HTR1F: variants seen among roughly 807,000 people sequenced by gnomAD.
HTR1F encodes 5-hydroxytryptamine receptor 1F.
In HTR1F, 17 loss-of-function variants were observed where a neutral mutation model predicts 24.0. That is an observed-to-expected ratio of 0.71 (90% CI 0.48 to 1.06). HTR1F has a LOEUF of 1.06. HTR1F is among the 50% of genes least tolerant of loss of function. HTR1F has a pLI of 0.00. For synonymous variants in HTR1F, 186 were observed against 156.8 expected (o/e 1.19, Z -1.39); for missense variants, 391 against 427.8 (o/e 0.91, Z 0.76).
intron 2 of HTR1F, among the ~76,000 whole-genome samples, chr3:87,969,649 G>A (rs556782278): frequency 6.6e-6 from 1 of 152,174 alleles, no homozygotes; most frequent in Non-Finnish European, 1.5e-5. Context: ...TGTCTCAGAT[G>A]AGACTTTGGA....
intron 1 of HTR1F, among the ~76,000 whole-genome samples, chr3:87,810,757 C>T (rs1704146495): frequency 6.6e-6 from 1 of 152,110 alleles, no homozygotes; most frequent in South Asian, 2.1e-4. Flanking sequence ...AATATGAACT[C>T]AGGTAGATGA....
chr3:87,979,512 C>T (rs1230860699), intron 2 of HTR1F, among the ~76,000 whole-genome samples: 45 of 152,160 alleles, frequency 3.0e-4, no homozygotes, highest in Non-Finnish European at 1.9e-4. Context: ...GAACAGAAAG[C>T]AGCAAATCCA....
chr3:87,832,377 G>C (rs941280111), intron 2 of HTR1F, among the ~76,000 whole-genome samples: 1 of 147,884 alleles, frequency 6.8e-6, no homozygotes, highest in Admixed American at 6.8e-5. Flanking sequence ...GCCCAGGCTG[G>C]AGTGCAGTGG....
At chr3:87,829,521 G>A (rs376786219) in intron 2 of HTR1F, among the ~76,000 whole-genome samples, 3 of 152,158 alleles carry the variant, frequency 2.0e-5, no homozygotes, top group African/African-American at 4.8e-5. Flanking sequence ...TAACCTTCAC[G>A]GTCATTCCTC....
chr3:87,928,623 C>T (rs183052800), intron 2 of HTR1F, among the ~76,000 whole-genome samples: 25 of 152,252 alleles, frequency 1.6e-4, no homozygotes, highest in African/African-American at 4.8e-4. Context: ...TGAACCATTA[C>T]TATCAATGCT....
At chr3:87,837,463 C>T (rs1224098108) in intron 2 of HTR1F, among the ~76,000 whole-genome samples, 3 of 152,000 alleles carry the variant, frequency 2.0e-5, no homozygotes, top group Non-Finnish European at 2.9e-5. Context: ...AAAAGCCAAC[C>T]TGAGGCAAGT....
intron 2 of HTR1F, among the ~76,000 whole-genome samples, chr3:87,850,053 T>C (rs1705045567): frequency 6.6e-6 from 1 of 151,788 alleles, no homozygotes; most frequent in Admixed American, 6.6e-5. Flanking sequence ...AGTGTGGTGA[T>C]TCCTCAGGGA....
intron 2 of HTR1F, among the ~76,000 whole-genome samples, chr3:87,949,868 C>T (rs965986473): frequency 6.6e-6 from 1 of 152,182 alleles, no homozygotes. Flanking sequence ...GTCTACTTTA[C>T]GTTGCTAGAA....
chr3:87,901,865 A>G (rs564636363), intron 2 of HTR1F, among the ~76,000 whole-genome samples: 23 of 152,244 alleles, frequency 1.5e-4, no homozygotes, highest in Admixed American at 1.4e-3. Context: ...AAAATATCCA[A>G]TGCTTAGGAT....
intron 2 of HTR1F, among the ~76,000 whole-genome samples, chr3:87,936,342 G>A (rs1036041503): frequency 6.6e-6 from 1 of 152,128 alleles, no homozygotes; most frequent in Non-Finnish European, 1.5e-5. Context: ...ATTTGTAAAT[G>A]GCACTATAGA....
intron 2 of HTR1F, among the ~76,000 whole-genome samples, chr3:87,946,872 G>A (rs551585141): frequency 5.3e-5 from 8 of 152,130 alleles, no homozygotes; most frequent in Middle Eastern, 3.4e-3. Context: ...TGATCTGCCC[G>A]CCTTAGCCTC....
intron 1 of HTR1F, among the ~76,000 whole-genome samples, chr3:87,804,581 A>G (rs933298222): frequency 6.6e-6 from 1 of 152,038 alleles, no homozygotes; most frequent in Non-Finnish European, 1.5e-5. Flanking sequence ...AAATTTGAAT[A>G]TCAGTATTTT....
chr3:87,894,792 C>T (rs1197314308), intron 2 of HTR1F, among the ~76,000 whole-genome samples: 1 of 151,984 alleles, frequency 6.6e-6, no homozygotes, highest in Non-Finnish European at 1.5e-5. Context: ...ATACCAATCA[C>T]ATGAGGATTA....
At chr3:87,947,767 T>G (rs568441150) in intron 2 of HTR1F, among the ~76,000 whole-genome samples, 1 of 140,498 alleles carries the variant, frequency 7.1e-6, no homozygotes, top group African/African-American at 2.7e-5. Context: ...AAGTAACTGC[T>G]CAAAAATATT....
chr3:87,833,181 G>T (rs115076814), intron 2 of HTR1F, among the ~76,000 whole-genome samples: 35,390 of 151,770 alleles, frequency 0.23, 6,199 homozygotes, highest in African/African-American at 0.5. Context: ...TCCACTGGCA[G>T]ACTCTGCTTC....
At chr3:87,850,322 G>A (rs578251174) in intron 2 of HTR1F, among the ~76,000 whole-genome samples, 3 of 151,904 alleles carry the variant, frequency 2.0e-5, no homozygotes, top group African/African-American at 7.3e-5. Flanking sequence ...CATGGATGAA[G>A]CCGGAAACCA....
intron 2 of HTR1F, among the ~76,000 whole-genome samples, chr3:87,855,130 T>C (rs1417116893): frequency 1.3e-5 from 2 of 152,078 alleles, no homozygotes; most frequent in African/African-American, 2.4e-5. Flanking sequence ...CAATGGCATC[T>C]TCTCTTGTAT....
rs79363755 is a variant in HTR1F at position 87,979,962 on chromosome 3, G to A, written c.-42-10746G>A. Among the ~76,000 whole-genome samples the A allele has an allele frequency of 5.8e-3, 882 of 152,294 alleles. 2 individuals are homozygous for A. Among genetic ancestry groups the A allele is most frequent in the Non-Finnish European group, 8.5e-3 (577 of 68,012 alleles). ...AAGATGCCAGGAACTGCAGAGCCCCGAAGAGAGTGCCTCAGCCCTGGTTCA... is the reference window on the plus strand; with the variant it reads ...AAGATGCCAGGAACTGCAGAGCCCCAAAGAGAGTGCCTCAGCCCTGGTTCA... On this transcript the variant is annotated intron_variant, in intron 2 of 2. Coordinates refer to ENST00000319595, the MANE Select transcript of HTR1F (RefSeq NM_001322209.2).
At chr3:87,802,546 A>G (rs1704011807) in intron 1 of HTR1F, among the ~76,000 whole-genome samples, 1 of 151,756 alleles carries the variant, frequency 6.6e-6, no homozygotes, top group South Asian at 2.1e-4. Flanking sequence ...GTATGTTACT[A>G]TATTGCCTAG....
Sources: allele counts gnomAD v4.1 joint callset (sites outside exome capture counted in the v4.1 genomes callset), GRCh38; gene constraint gnomAD v4.1.1; transcripts MANE v1.5; gene names NCBI Gene and HGNC (gene_info 2026-07-23, HGNC 2026-07-21).